NF1: variants seen among roughly 807,000 people sequenced by gnomAD.
NF1 encodes the protein neurofibromin 1.
NF1 carries 122 observed loss-of-function variants against 325.7 expected under a neutral mutation model. The ratio of observed to expected loss-of-function variants is 0.37; its 90% CI spans 0.32 to 0.44. The LOEUF is 0.44. Ranked by LOEUF, NF1 falls within the 20% of genes least tolerant of loss-of-function variation. The pLI is 1.00. For missense variants in NF1, 2,140 were observed against 3,415.4 expected (o/e 0.63, Z 9.31); for synonymous variants, 1,091 against 1,186.0 (o/e 0.92, Z 1.65).
intron 5 of NF1, among the ~76,000 whole-genome samples, chr17:31,170,806 T>C (rs1378308302): frequency 1.3e-5 from 2 of 152,212 alleles, no homozygotes; most frequent in Non-Finnish European, 2.9e-5. Flanking sequence ...TGAATATTCA[T>C]AAACTGAGTA....
At chr17:31,118,570 T>C (rs1207411491) in intron 1 of NF1, among the ~76,000 whole-genome samples, 1 of 152,160 alleles carries the variant, frequency 6.6e-6, no homozygotes, top group Admixed American at 6.5e-5. Flanking sequence ...GTTAGTTTGC[T>C]GAGAATGATG....
chr17:31,236,184 T>G (rs768617030), intron 29 of NF1, among the ~76,000 whole-genome samples, 163 bp downstream of exon 29: 1 of 152,192 alleles, frequency 6.6e-6, no homozygotes, highest in African/African-American at 2.4e-5. Flanking sequence ...TAATGATATC[T>G]GTAATTTTTT....
intron 47 of NF1, among the ~76,000 whole-genome samples, chr17:31,342,298 T>C (rs1263022308): frequency 6.6e-6 from 1 of 152,130 alleles, no homozygotes; most frequent in Non-Finnish European, 1.5e-5. Context: ...ATTTATATGT[T>C]AAGAATATTT....
intron 36 of NF1, among the ~76,000 whole-genome samples, chr17:31,267,404 G>A (rs534327947): frequency 2.0e-5 from 3 of 151,688 alleles, no homozygotes; most frequent in Non-Finnish European, 4.4e-5. Flanking sequence ...TTCTTTTTTT[G>A]GGGGATATGG....
At chr17:31,357,862 CATT>C (rs2070311328) in intron 54 of NF1, 2 of 165,008 alleles carry the variant, frequency 1.2e-5, no homozygotes, top group African/African-American at 4.8e-5. Flanking sequence ...TATATCATGT[CATT>C]ATTTTCTTTT....
intron 36 of NF1, among the ~76,000 whole-genome samples, chr17:31,309,589 A>G (rs1297255285): frequency 6.6e-6 from 1 of 152,230 alleles, no homozygotes; most frequent in Non-Finnish European, 1.5e-5. Context: ...TATGCAAAGC[A>G]TCAGAAAATA....
chr17:31,278,785 TC>T (rs1269527047), intron 36 of NF1, among the ~76,000 whole-genome samples: 2 of 151,870 alleles, frequency 1.3e-5, no homozygotes, highest in African/African-American at 4.8e-5. Flanking sequence ...TGGCTAATTT[TC>T]GTATTTTTAG....
Position 31,336,395 on chromosome 17 carries a change from G to A in NF1, c.6069G>A (p.Leu2023=), listed in dbSNP as rs1555534607. The part of the protein sequence containing the change: ...SFIKTSATGG[L]GSIKAEVMAD... ...TCAAAACCAGTGCAACAGGTGGCTT[G>A]GGATCAATAAAAGCTGAGGTGATGG... Residue 2023 remains leucine (L), a synonymous_variant, in exon 41 of 58, where the codon TTG becomes TTA. Transcript: ENST00000358273. This position sits in a 1 kb window ranked among gnomAD's most constrained non-coding sequence, Gnocchi z 5.5. 6.2e-7 allele frequency: 1 copy of A among 1,614,048 alleles called. No individual in the cohort carries two copies. The highest frequency in any genetic ancestry group is 1.1e-5 in the South Asian group (1 of 91,078).
intron 12 of NF1, among the ~76,000 whole-genome samples, chr17:31,208,071 ACTT>A (rs1753214795): frequency 1.3e-5 from 2 of 152,180 alleles, no homozygotes; most frequent in South Asian, 4.1e-4. Context: ...AAGTTATTTT[ACTT>A]CTTAGCCCTA....
intron 43 of NF1, 46 bp downstream of exon 43, chr17:31,337,628 A>T (rs1243451199): frequency 1.3e-6 from 2 of 1,557,628 alleles, no homozygotes; most frequent in Non-Finnish European, 1.8e-6. Flanking sequence ...ATCTTTTTTT[A>T]AAAATATGTT....
intron 1 of NF1, among the ~76,000 whole-genome samples, chr17:31,154,191 G>T (rs1917154479): frequency 6.6e-6 from 1 of 151,200 alleles, no homozygotes; most frequent in African/African-American, 2.4e-5. Context: ...TAGTAGCTGG[G>T]ATTACAGGCA....
intron 1 of NF1, among the ~76,000 whole-genome samples, chr17:31,112,611 C>T (rs1424591908): frequency 6.6e-6 from 1 of 151,978 alleles, no homozygotes; most frequent in Non-Finnish European, 1.5e-5. Context: ...ATCTCTTTTG[C>T]CCATTTTTAA....
intron 36 of NF1, chr17:31,318,177 G>T: frequency 8.2e-7 from 1 of 1,213,674 alleles, no homozygotes; most frequent in Non-Finnish European, 1.1e-6. Flanking sequence ...TCACCTGCTT[G>T]ATTCTAAATT....
At chr17:31,219,261 A>C in intron 14 of NF1, 143 bp downstream of exon 14, 1 of 795,556 alleles carries the variant, frequency 1.3e-6, no homozygotes, top group South Asian at 1.9e-5. Flanking sequence ...ACATTGTTTT[A>C]TAAAACTCCA....
chr17:31,110,730 A>C (rs1375043047), intron 1 of NF1, among the ~76,000 whole-genome samples: 1 of 152,150 alleles, frequency 6.6e-6, no homozygotes, highest in East Asian at 1.9e-4. Context: ...AAATGGATGA[A>C]AATTTTCATA....
At chr17:31,248,833 T>C (rs947043481) in intron 29 of NF1, 151 bp from the exon 30 acceptor site, 2 of 695,220 alleles carry the variant, frequency 2.9e-6, no homozygotes, top group East Asian at 2.9e-5. Context: ...AAAGTTGTCT[T>C]TTTTTTTTTT....
chr17:31,190,396 A>G (rs139993979), intron 8 of NF1, among the ~76,000 whole-genome samples: 60 of 152,364 alleles, frequency 3.9e-4, no homozygotes, highest in African/African-American at 1.4e-3. Flanking sequence ...TGCAAAATAT[A>G]CATACGTAGG....
intron 51 of NF1, 21 bp downstream of exon 51, chr17:31,352,435 T>G (rs1567625227): frequency 1.3e-6 from 2 of 1,537,570 alleles, no homozygotes; most frequent in Non-Finnish European, 1.7e-6. Flanking sequence ...CTAAATTATG[T>G]AGATTTTTTT....
Position 31,182,697 on chromosome 17 carries a change from T to C in NF1, c.888+32T>C, listed in dbSNP as rs747162388. The C allele has an allele frequency of 1.7e-5, 27 of 1,595,170 alleles. No individual in the cohort carries two copies. The Admixed American group carries it at 4.6e-4, about 27-fold the overall frequency. ...AGGGCAAAATTATTTCCATTATATC[T>C]AGATGTGAAGCAGTTTATTTTACTC... On this transcript the variant is annotated intron_variant, in intron 8 of 57. Transcript: ENST00000358273.
Sources: gnomAD v4.1 joint callset for allele counts (sites outside exome capture counted in the v4.1 genomes callset) on GRCh38, gnomAD v4.1.1 for gene constraint, Gnocchi (gnomAD v3.1) non-coding constraint, MANE v1.5 for transcripts, NCBI Gene and HGNC (gene_info 2026-07-23, HGNC 2026-07-21) for gene names.